ABCB4: variants seen among roughly 807,000 people sequenced by gnomAD.
ABCB4 encodes the protein ATP binding cassette subfamily B member 4, also known as phosphatidylcholine translocator ABCB4.
Under a neutral mutation model 145.7 loss-of-function variants are expected in ABCB4, and 76 were observed. That is an observed-to-expected ratio of 0.52 (90% confidence interval 0.43 to 0.63). ABCB4 has a LOEUF of 0.63. ABCB4 is among the 30% of genes least tolerant of loss of function. The pLI is 0.00. For missense variants in ABCB4, 1,234 were observed against 1,553.1 expected (o/e 0.79, Z 3.45); for synonymous variants, 517 against 566.8 (o/e 0.91, Z 1.25).
At chr7:87,439,632 T>C (rs1431617444) in intron 14 of ABCB4, 35 bp downstream of exon 14, 1 of 1,613,094 alleles carries the variant, frequency 6.2e-7, no homozygotes, top group Non-Finnish European at 8.5e-7. Flanking sequence ...TAGGTTTCAA[T>C]GTGGTGGTCC....
chr7:87,447,411 G>A (rs145618603), intron 8 of ABCB4, among the ~76,000 whole-genome samples: 61 of 152,226 alleles, frequency 4.0e-4, no homozygotes, highest in African/African-American at 1.3e-3. Flanking sequence ...TTACTGGCCC[G>A]GTTCCATTTC....
chr7:87,458,223 G>A (rs1004946919), intron 4 of ABCB4, among the ~76,000 whole-genome samples: 2 of 152,122 alleles, frequency 1.3e-5, no homozygotes, highest in African/African-American at 2.4e-5. Context: ...AAGATATCAA[G>A]TCCTTGACAC....
chr7:87,458,033 T>C (rs543309570), intron 4 of ABCB4, among the ~76,000 whole-genome samples: 1 of 152,188 alleles, frequency 6.6e-6, no homozygotes, highest in African/African-American at 2.4e-5. Flanking sequence ...AACTATTCAT[T>C]ATAAAATAAA....
At chr7:87,473,823 A>G (rs1038208033) in intron 2 of ABCB4, among the ~76,000 whole-genome samples, 2 of 152,192 alleles carry the variant, frequency 1.3e-5, no homozygotes, top group African/African-American at 4.8e-5. Context: ...AGTTTTACTC[A>G]TAAGATGATT....
chr7:87,402,302 C>T lies in ABCB4; in HGVS notation c.3634G>A (p.Val1212Ile), dbSNP rs1313742757. 2 of 1,613,800 alleles carry T rather than the reference C, an allele frequency of 1.2e-6. No homozygotes were observed. Among genetic ancestry groups the T allele is most frequent in the African/African-American group, 2.7e-5 (2 of 74,906 alleles). The change falls in exon 28 of 28, where the codon GTT becomes ATT. Residue 1212 changes from valine (V) to isoleucine (I), a missense_variant and splice_region_variant. By Grantham distance (29) the Val-to-Ile change is conservative. This residue lies in a region of ABCB4 where 6 missense variants were observed against 31.3 expected (regional missense o/e 0.19). Coordinates refer to ENST00000649586, the MANE Select transcript of ABCB4 (RefSeq NM_000443.4). ...GCTTTGTCCAGGGCTTCTTGGACAA[C>T]CTATTGATAAATCAGACAGACACCT... is the stretch of plus-strand genomic sequence containing the variant. ...TSALDTESEK[V>I]VQEALDKARE...
chr7:87,389,632 G>A, the ABCB4 span, among the ~76,000 whole-genome samples: 1 of 152,140 alleles, frequency 6.6e-6, no homozygotes, highest in South Asian at 2.1e-4. Context: ...TGGGGTGGGG[G>A]GCTAGGGGAG....
In ABCB4 at chr7:87,447,069, T is replaced by C; in HGVS notation, c.970A>G (p.Ile324Val). The change falls in exon 9 of 28, where the codon ATA (isoleucine) becomes GTA (valine). Residue 324 changes from isoleucine to valine, a missense_variant. Transcript: ENST00000649586. ...LAFWYGSTLV[I>V]SKEYTIGNAM... Reference sequence around the variant, plus strand: ...TTTCCAATAGTATATTCTTTTGATATGACTAGAGTGGATCCATACCAGAAG... The same window carrying C: ...TTTCCAATAGTATATTCTTTTGATACGACTAGAGTGGATCCATACCAGAAG... 6.2e-7 allele frequency: 1 copy of C among 1,613,732 alleles called. No homozygotes were observed. Among genetic ancestry groups the C allele is most frequent in the East Asian group, 2.2e-5 (1 of 44,858 alleles).
chr7:87,460,505 T>C (rs575627530), intron 4 of ABCB4, among the ~76,000 whole-genome samples: 1 of 152,286 alleles, frequency 6.6e-6, no homozygotes, highest in Admixed American at 6.5e-5. Context: ...TGTTACCCAA[T>C]GCTTAGCTCC....
chr7:87,459,524 T>C (rs1812314132), intron 4 of ABCB4, among the ~76,000 whole-genome samples: 1 of 152,210 alleles, frequency 6.6e-6, no homozygotes, highest in South Asian at 2.1e-4. Flanking sequence ...ATCTACCATA[T>C]CTTATTTTTC....
chr7:87,466,567 C>T (rs1001757854), intron 3 of ABCB4, among the ~76,000 whole-genome samples: 1 of 152,096 alleles, frequency 6.6e-6, no homozygotes, highest in Non-Finnish European at 1.5e-5. Flanking sequence ...AGATACTCCT[C>T]GAGAACAGCA....
At chr7:87,377,568 C>T in the ABCB4 span, 2 of 619,696 alleles carry the variant, frequency 3.2e-6, no homozygotes, top group Non-Finnish European at 5.6e-6. Context: ...TTTTATGGCA[C>T]TGTGGTGAAA....
chr7:87,417,568 G>A (rs113350274), intron 20 of ABCB4, 53 bp from the exon 21 acceptor site: 46 of 1,454,310 alleles, frequency 3.2e-5, no homozygotes, highest in African/African-American at 8.5e-5. Flanking sequence ...AAATGCATGC[G>A]CTCCAGCCTT....
At chr7:87,405,401 T>C (rs2116331850) in intron 26 of ABCB4, among the ~76,000 whole-genome samples, 1 of 151,818 alleles carries the variant, frequency 6.6e-6, no homozygotes, top group South Asian at 2.1e-4. Flanking sequence ...ATGAGGGATC[T>C]TTATGGAGAT....
At chr7:87,433,013 C>T (rs911875354) in intron 14 of ABCB4, among the ~76,000 whole-genome samples, 9 of 151,964 alleles carry the variant, frequency 5.9e-5, no homozygotes, top group Non-Finnish European at 7.4e-5. Context: ...AAAACCAGCA[C>T]GTGAATGGGT....
chr7:87,391,518 G>A, the ABCB4 span: 9 of 1,427,738 alleles, frequency 6.3e-6, no homozygotes, highest in Non-Finnish European at 8.5e-6. Flanking sequence ...AGCTTTATTA[G>A]GCAACTATAT....
intron 20 of ABCB4, 76 bp from the exon 21 acceptor site, chr7:87,417,591 A>C (rs979346424): frequency 8.3e-7 from 1 of 1,201,602 alleles, no homozygotes; most frequent in Non-Finnish European, 1.2e-6. Context: ...CCTCTTGGTC[A>C]GAATGATGAG....
chr7:87,373,189 T>A, the ABCB4 span, among the ~76,000 whole-genome samples: 1 of 152,142 alleles, frequency 6.6e-6, no homozygotes, highest in Admixed American at 6.5e-5. Context: ...TATTTGATAA[T>A]GATGTTAAAG....
chr7:87,406,770 C>T (rs1354516906), intron 25 of ABCB4, among the ~76,000 whole-genome samples: 1 of 152,154 alleles, frequency 6.6e-6, no homozygotes, highest in African/African-American at 2.4e-5. Flanking sequence ...CTCCTCCAGC[C>T]ATCTGTGTCC....
rs1526089 is a variant in ABCB4, at chr7:87,401,715, A to G, written c.*381T>C. 2.0e-3 allele frequency: 600 copies of G among 306,732 alleles called. 6 individuals carry two copies. The highest frequency in any genetic ancestry group is 0.012 in the African/African-American group (539 of 46,200). 19.0% of individuals were successfully genotyped at this position (306,732 alleles called of 1,614,324 possible). ...GAGAGATGAGGCTATTGAACAATTTATTTTTCTTTTGTACTTGGGAAAATT... is the reference window on the plus strand; with the variant it reads ...GAGAGATGAGGCTATTGAACAATTTGTTTTTCTTTTGTACTTGGGAAAATT... On this transcript the variant is annotated 3_prime_UTR_variant, in exon 28 of 28. Transcript: ENST00000649586.
Sources: allele counts gnomAD v4.1 joint callset (sites outside exome capture counted in the v4.1 genomes callset), GRCh38; gene constraint gnomAD v4.1.1; regional missense constraint gnomAD v4.1.1; transcripts MANE v1.5; gene names NCBI Gene and HGNC (gene_info 2026-07-23, HGNC 2026-07-21).